Variants in EBF4 observed in about 807,000 individuals in gnomAD.
EBF4 encodes transcription factor COE4.
EBF4 carries 34 observed loss-of-function variants against 67.1 expected under a neutral mutation model. The ratio of observed to expected loss-of-function variants is 0.51; its 90% confidence interval spans 0.39 to 0.67. The LOEUF (loss-of-function observed/expected upper bound fraction) is 0.67. Ranked by LOEUF, EBF4 falls within the 30% of genes least tolerant of loss-of-function variation. The pLI is 0.00. For missense variants in EBF4, 837 were observed against 873.3 expected, an observed-to-expected ratio of 0.96 and a Z score of 0.52; for synonymous variants, 387 against 377.7, an observed-to-expected ratio of 1.02 and a Z score of -0.29.
intron 6 of EBF4, among the ~76,000 whole-genome samples, chr20:2,742,931 A>C (rs1324095462): frequency 1.3e-5 from 2 of 151,776 alleles, no homozygotes; most frequent in Non-Finnish European, 2.9e-5. Context: ...CCTTGTCCTC[A>C]CTTACCCAGC....
chr20:2,748,493 C>A, intron 6 of EBF4, 56 bp from the exon 7 acceptor site: 1 of 1,507,856 alleles, frequency 6.6e-7, no homozygotes, highest in Non-Finnish European at 9.0e-7. Flanking sequence ...GCAGTTGGAT[C>A]TTCATCTGTT....
chr20:2,711,427 C>T (rs2087543817), intron 6 of EBF4, among the ~76,000 whole-genome samples: 1 of 152,138 alleles, frequency 6.6e-6, no homozygotes, highest in East Asian at 1.9e-4. Flanking sequence ...TTACTTTGTC[C>T]ATGTGCCATT....
At chr20:2,758,818 C>A in intron 15 of EBF4, 91 bp from the exon 16 acceptor site, 2 of 1,167,630 alleles carry the variant, frequency 1.7e-6, no homozygotes, top group Non-Finnish European at 2.5e-6. Context: ...TGCTATATCC[C>A]CTGCCTGCTG....
chr20:2,694,628 T>C (rs1600192529), intron 1 of EBF4, among the ~76,000 whole-genome samples: 1 of 152,108 alleles, frequency 6.6e-6, no homozygotes, highest in Middle Eastern at 3.4e-3. Context: ...ATTAGGGAGG[T>C]GCCAGCTCTG....
chr20:2,709,391 G>A (rs534264108), intron 5 of EBF4, among the ~76,000 whole-genome samples, 183 bp from the exon 6 acceptor site: 5 of 151,496 alleles, frequency 3.3e-5, no homozygotes, highest in South Asian at 4.2e-4. Context: ...CAGGGTCCCT[G>A]CGGAGGAGCC....
At chr20:2,706,421 G>A (rs2146386642) in intron 4 of EBF4, among the ~76,000 whole-genome samples, 157 bp downstream of exon 4, 1 of 152,306 alleles carries the variant, frequency 6.6e-6, no homozygotes, top group Middle Eastern at 3.4e-3. Flanking sequence ...GCCTGTGCCG[G>A]AGGGTGTGTG....
intron 14 of EBF4, among the ~76,000 whole-genome samples, chr20:2,753,845 C>G (rs2088195512): frequency 6.6e-6 from 1 of 152,198 alleles, no homozygotes; most frequent in Non-Finnish European, 1.5e-5. Flanking sequence ...AGGCCATGGC[C>G]TTCTGGTGTC....
At chr20:2,749,046 G>T (rs2088096672) in intron 7 of EBF4, among the ~76,000 whole-genome samples, 1 of 152,202 alleles carries the variant, frequency 6.6e-6, no homozygotes, top group Non-Finnish European at 1.5e-5. Flanking sequence ...TTCTCCGGCT[G>T]ATGCTGCCCA....
rs1453937946 is a variant in EBF4 at position 2,752,346 on chromosome 20, C to T, written c.1352-11C>T. ...GGCACCGCCCCCTGACGGCCGCGCT[C>T]TCTCTCGCAGGCTACGCGCGCAGCT... On this transcript the variant is annotated splice_polypyrimidine_tract_variant and intron_variant, in intron 13 of 16. Coordinates refer to ENST00000609451, the Ensembl canonical transcript of EBF4. 9.2e-6 allele frequency: 11 copies of T among 1,202,016 alleles called. No homozygotes were observed. The highest frequency in any genetic ancestry group is 6.4e-5 in the African/African-American group (4 of 62,572). 74.5% of individuals were successfully genotyped at this position (1,202,016 alleles called of 1,614,324 possible).
At chr20:2,757,913 C>T (rs896405106) in intron 15 of EBF4, among the ~76,000 whole-genome samples, 9 of 152,210 alleles carry the variant, frequency 5.9e-5, no homozygotes, top group Non-Finnish European at 1.0e-4. Flanking sequence ...CACCATTGCA[C>T]TCCAGTCTGT....
At chr20:2,752,986 C>T (rs1424054521) in intron 14 of EBF4, among the ~76,000 whole-genome samples, 3 of 152,088 alleles carry the variant, frequency 2.0e-5, no homozygotes, top group Admixed American at 6.5e-5. Flanking sequence ...TTCCAGCCGC[C>T]CCCCAGCTCC....
At chr20:2,758,146 C>G (rs1402132539) in intron 15 of EBF4, among the ~76,000 whole-genome samples, 2 of 152,210 alleles carry the variant, frequency 1.3e-5, no homozygotes, top group South Asian at 2.1e-4. Flanking sequence ...AACTTGTAAC[C>G]TTCCTCTGGG....
chr20:2,726,006 T>C (rs2087742411), intron 6 of EBF4, among the ~76,000 whole-genome samples: 1 of 152,232 alleles, frequency 6.6e-6, no homozygotes, highest in Non-Finnish European at 1.5e-5. Flanking sequence ...GCTATTATCC[T>C]AGAAGAGGAA....
intron 6 of EBF4, among the ~76,000 whole-genome samples, chr20:2,742,677 A>G (rs2087985670): frequency 6.6e-6 from 1 of 152,052 alleles, no homozygotes; most frequent in African/African-American, 2.4e-5. Context: ...ACTTGGGCTC[A>G]CTTTACTCCT....
At chr20:2,752,530 A>G in exon 14 of EBF4, 1 of 1,249,056 alleles carries the variant, frequency 8.0e-7, no homozygotes, top group South Asian at 3.3e-5. Flanking sequence ...CTCCACCGCC[A>G]CCTCGCCCTT....
chr20:2,730,651 G>C (rs901433825), intron 6 of EBF4, among the ~76,000 whole-genome samples: 1 of 152,174 alleles, frequency 6.6e-6, no homozygotes, highest in African/African-American at 2.4e-5. Context: ...GGACTCTGCT[G>C]TCCCCTTAAC....
chr20:2,754,610 G>A (rs1394901082), intron 14 of EBF4, among the ~76,000 whole-genome samples: 1 of 152,180 alleles, frequency 6.6e-6, no homozygotes, highest in Non-Finnish European at 1.5e-5. Context: ...GATGCCAAAG[G>A]CAGCCTTCTC....
rs549393282 is a variant in EBF4 at position 2,737,163 on chromosome 20, T to A, written c.558-11386T>A. On this transcript the variant is annotated intron_variant, in intron 6 of 16. Transcript: ENST00000609451. Reference sequence around the variant, plus strand: ...TACTCGGGAGGCTGAGGCAGGAGAATGGCGTGAACCCGGGAGGCGGAGCTT... The same window carrying A: ...TACTCGGGAGGCTGAGGCAGGAGAAAGGCGTGAACCCGGGAGGCGGAGCTT... Among the ~76,000 whole-genome samples the A allele has an allele frequency of 1.7e-3, 245 of 147,546 alleles. 4 individuals are homozygous for A. In the South Asian group the frequency reaches 0.025, roughly 15 times the overall value.
At chr20:2,697,361 C>T (rs113976075) in intron 1 of EBF4, among the ~76,000 whole-genome samples, 5 of 151,672 alleles carry the variant, frequency 3.3e-5, no homozygotes, top group African/African-American at 7.3e-5. Flanking sequence ...CTGGCTAACA[C>T]GGTGAAACCC....
Sources: gnomAD v4.1 joint callset for allele counts (sites outside exome capture counted in the v4.1 genomes callset) on GRCh38, gnomAD v4.1.1 for gene constraint, MANE v1.5 for transcripts, NCBI Gene and HGNC (gene_info 2026-07-23, HGNC 2026-07-21) for gene names.